The following ZFR2 variants were observed in gnomAD, a reference collection of about 807,000 sequenced individuals.
ZFR2 encodes the protein zinc finger RNA binding protein 2.
In ZFR2, 104 loss-of-function variants were observed where a neutral mutation model predicts 105.7. That is an observed-to-expected ratio of 0.98 (90% CI 0.84 to 1.16). ZFR2 has a LOEUF of 1.16. Ranked by LOEUF, ZFR2 falls within the 50% of genes most tolerant of loss-of-function variation. The probability of loss-of-function intolerance (pLI) is 0.00; values close to 1 mark genes in which losing one functional copy is unlikely to be tolerated. For missense variants in ZFR2, 1,425 were observed against 1,355.5 expected (o/e 1.05, Z -0.80); for synonymous variants, 634 against 597.7 (o/e 1.06, Z -0.89).
chr19:3,816,960 G>A, intron 12 of ZFR2, 115 bp from the exon 13 acceptor site: 3 of 967,224 alleles, frequency 3.1e-6, no homozygotes, highest in Non-Finnish European at 3.0e-6. Context: ...CTGTGCCTCG[G>A]CATCCTCATC....
chr19:3,864,354 C>A (rs1230754494), intron 1 of ZFR2, among the ~76,000 whole-genome samples: 1 of 151,666 alleles, frequency 6.6e-6, no homozygotes, highest in Non-Finnish European at 1.5e-5. Flanking sequence ...CCAGCCTGGG[C>A]AACAGAGTGA....
At chr19:3,808,458 T>C (rs984609084) in intron 17 of ZFR2, among the ~76,000 whole-genome samples, 6 of 152,330 alleles carry the variant, frequency 3.9e-5, no homozygotes, top group Admixed American at 6.5e-5. Context: ...GAACGCATTG[T>C]GCTGGGCAGC....
intron 9 of ZFR2, 120 bp downstream of exon 9, chr19:3,821,961 C>T (rs2037898788): frequency 1.4e-6 from 2 of 1,397,950 alleles, no homozygotes; most frequent in Admixed American, 2.8e-5. Context: ...AGAAAATCAC[C>T]CCTCCCTCTT....
chr19:3,811,441 CA>C, intron 14 of ZFR2, 75 bp from the exon 15 acceptor site: 1 of 1,381,158 alleles, frequency 7.2e-7, no homozygotes, highest in Non-Finnish European at 9.8e-7. Flanking sequence ...GTGAGGGGCT[CA>C]GTTTGGGCCC....
At chr19:3,811,904 G>A (rs902363629) in intron 14 of ZFR2, among the ~76,000 whole-genome samples, 5 of 152,126 alleles carry the variant, frequency 3.3e-5, no homozygotes, top group Non-Finnish European at 7.3e-5. Flanking sequence ...GGGACTGCAG[G>A]CGTGCACCAC....
rs2038057755 is a variant in ZFR2, at chr19:3,834,571, C to G, written c.264+202G>C. On this transcript the variant is annotated intron_variant, in intron 2 of 18. Coordinates refer to ENST00000262961, the MANE Select transcript of ZFR2 (RefSeq NM_015174.2). The surrounding 1 kb of genome is among the most constrained non-coding windows in gnomAD (Gnocchi z 5.3). Reference sequence around the variant, plus strand: ...TGGAGGTACGCATGCGGCCTGTCCCCGAGAGCAGTGGATTCTTTCGGAAGC... The same window carrying G: ...TGGAGGTACGCATGCGGCCTGTCCCGGAGAGCAGTGGATTCTTTCGGAAGC... Among the ~76,000 whole-genome samples the G allele has an allele frequency of 6.6e-6, 1 of 152,174 alleles. No homozygotes were observed. The highest frequency in any genetic ancestry group is 1.5e-5 in the Non-Finnish European group (1 of 68,022).
intron 12 of ZFR2, among the ~76,000 whole-genome samples, chr19:3,817,716 A>C (rs902566792): frequency 5.6e-5 from 8 of 143,204 alleles, no homozygotes; most frequent in African/African-American, 2.1e-4. Context: ...AGATCGCACC[A>C]CTGCACTCCA....
chr19:3,841,208 GA>G (rs200039766), intron 1 of ZFR2, among the ~76,000 whole-genome samples: 2 of 152,332 alleles, frequency 1.3e-5, no homozygotes, highest in East Asian at 3.9e-4. Flanking sequence ...GAGGGTGGAG[GA>G]AAGACCACCC....
At chr19:3,807,463 T>A (rs1271842067) in intron 17 of ZFR2, among the ~76,000 whole-genome samples, 194 bp from the exon 18 acceptor site, 1 of 152,248 alleles carries the variant, frequency 6.6e-6, no homozygotes, top group Non-Finnish European at 1.5e-5. Flanking sequence ...GGAGTCCTCC[T>A]GGCCCCTCAA....
At chr19:3,857,331 A>T (rs2038316733) in intron 1 of ZFR2, among the ~76,000 whole-genome samples, 1 of 151,754 alleles carries the variant, frequency 6.6e-6, no homozygotes, top group Admixed American at 6.6e-5. Flanking sequence ...TGAGAACCAA[A>T]CACGGCCTGC....
Position 3,858,773 on chromosome 19 carries a change from G to T in ZFR2, c.53+10192C>A, listed in dbSNP as rs2038336993. Among the ~76,000 whole-genome samples, 1 of 152,196 alleles carries T rather than the reference G, an allele frequency of 6.6e-6. No individual in the cohort carries two copies. Among genetic ancestry groups the T allele is most frequent in the Non-Finnish European group, 1.5e-5 (1 of 68,036 alleles). On this transcript the variant is annotated intron_variant, in intron 1 of 18. Transcript: ENST00000262961. The surrounding 1 kb of genome is among the most constrained non-coding windows in gnomAD (Gnocchi z 4.3). The stretch of plus-strand genomic sequence containing the variant: ...GCAGAGGTTGCAGTGAGCTGAGATT[G>T]CACCACTGTACTCCAGCCTGGGCGA...
chr19:3,821,877 G>A (rs1166328521), intron 9 of ZFR2, among the ~76,000 whole-genome samples: 1 of 152,108 alleles, frequency 6.6e-6, no homozygotes. Context: ...CCAAAGTGCT[G>A]GGATGATAGA....
At chr19:3,855,523 G>T in intron 1 of ZFR2, 2 of 1,114,278 alleles carry the variant, frequency 1.8e-6, no homozygotes, top group Non-Finnish European at 2.3e-6. Context: ...CAGCAGCGGG[G>T]AATAACCAGA....
At chr19:3,832,620 T>A (rs1376724171) in intron 3 of ZFR2, among the ~76,000 whole-genome samples, 1 of 146,578 alleles carries the variant, frequency 6.8e-6, no homozygotes. Context: ...GCACCCGGCC[T>A]TTATTTTGTT....
intron 11 of ZFR2, 90 bp downstream of exon 11, chr19:3,820,092 G>T (rs926152502): frequency 3.1e-6 from 4 of 1,277,516 alleles, no homozygotes; most frequent in Non-Finnish European, 3.3e-6. Context: ...TGTGGGAGTT[G>T]GGGGGAGGCC....
Position 3,831,490 on chromosome 19 carries a change from T to C in ZFR2, c.665A>G (p.Gln222Arg), listed in dbSNP as rs1409739453. The part of the protein sequence containing the change: ...SAASPFYPPA[Q>R]PPPPPGPPQQ... The stretch of plus-strand genomic sequence containing the variant: ...CGGGGGTCCCGGGGGAGGCGGGGGC[T>C]GCGCTGGAGGATAGAAAGGGCTGGC... Residue 222 changes from glutamine (Q) to arginine (R), a missense_variant, in exon 5 of 19, where the codon CAG becomes CGG. Transcript: ENST00000262961. The C allele has an allele frequency of 4.5e-6, 7 of 1,550,418 alleles. No individual in the cohort carries two copies. The highest frequency in any genetic ancestry group is 6.1e-6 in the Non-Finnish European group (7 of 1,147,482).
intron 17 of ZFR2, among the ~76,000 whole-genome samples, chr19:3,808,093 G>A (rs1599216760): frequency 6.7e-6 from 1 of 148,292 alleles, no homozygotes. Flanking sequence ...ACATCCATGT[G>A]TGCCTGTATG....
At chr19:3,841,896 C>T (rs770708173) in intron 1 of ZFR2, among the ~76,000 whole-genome samples, 1 of 151,968 alleles carries the variant, frequency 6.6e-6, no homozygotes, top group Non-Finnish European at 1.5e-5. Context: ...AAGCAATTCT[C>T]GTGCCTCAGC....
chr19:3,821,964 T>G (rs967219144), intron 9 of ZFR2, 117 bp downstream of exon 9: 79 of 1,406,146 alleles, frequency 5.6e-5, no homozygotes, highest in Admixed American at 1.4e-4. Context: ...AAATCACCCC[T>G]CCCTCTTAAG....
Sources: gnomAD v4.1 joint callset for allele counts (sites outside exome capture counted in the v4.1 genomes callset) on GRCh38, gnomAD v4.1.1 for gene constraint, Gnocchi (gnomAD v3.1) non-coding constraint, MANE v1.5 for transcripts, NCBI Gene and HGNC (gene_info 2026-07-23, HGNC 2026-07-21) for gene names.